Variants in GRAMD2A observed in about 807,000 individuals in gnomAD.
GRAMD2A encodes GRAM domain containing 2A.
Under a neutral mutation model 51.1 loss-of-function variants are expected in GRAMD2A, and 37 were observed. The observed-to-expected ratio is 0.72, with a 90% CI of 0.56 to 0.95. GRAMD2A has a LOEUF of 0.95. GRAMD2A is among the 40% of genes least tolerant of loss of function. The pLI, the probability that GRAMD2A is intolerant of heterozygous loss-of-function variation, is 0.00. For missense variants in GRAMD2A, 414 were observed against 426.9 expected (o/e 0.97, Z 0.27); for synonymous variants, 136 against 157.1 (o/e 0.87, Z 1.01).
intron 1 of GRAMD2A, among the ~76,000 whole-genome samples, chr15:72,178,196 C>T (rs913499203): frequency 6.6e-6 from 1 of 152,220 alleles, no homozygotes; most frequent in African/African-American, 2.4e-5. Context: ...CTTCTTCACC[C>T]TGGCCCTCTT....
chr15:72,173,291 A>G, intron 1 of GRAMD2A, among the ~76,000 whole-genome samples: 1 of 152,204 alleles, frequency 6.6e-6, no homozygotes, highest in East Asian at 1.9e-4. Flanking sequence ...ATGTCTTTGC[A>G]TGGATTCTAA....
intron 10 of GRAMD2A, 110 bp downstream of exon 10, chr15:72,163,156 A>C: frequency 1.4e-6 from 1 of 727,546 alleles, no homozygotes; most frequent in Non-Finnish European, 2.3e-6. Flanking sequence ...AATTTGACTC[A>C]GAAACTTCCC....
intron 2 of GRAMD2A, 66 bp downstream of exon 2, chr15:72,169,781 G>T: frequency 7.6e-7 from 1 of 1,323,314 alleles, no homozygotes; most frequent in Non-Finnish European, 1.1e-6. Context: ...TTACAAACAG[G>T]TCACTTCCTG....
intron 1 of GRAMD2A, among the ~76,000 whole-genome samples, chr15:72,190,886 A>ATGTTTT (rs1449343820): frequency 2.6e-5 from 4 of 152,328 alleles, no homozygotes; most frequent in Admixed American, 6.5e-5. Flanking sequence ...GATCTGAGGA[A>ATGTTTT]ATGCAAAAAG....
intron 8 of GRAMD2A, 117 bp from the exon 9 acceptor site, chr15:72,163,874 G>T: frequency 9.2e-7 from 1 of 1,089,256 alleles, no homozygotes; most frequent in Non-Finnish European, 1.3e-6. Flanking sequence ...TAGATGCCTA[G>T]CCAGGGATGG....
intron 1 of GRAMD2A, among the ~76,000 whole-genome samples, chr15:72,195,146 G>A (rs942529713): frequency 6.6e-6 from 1 of 152,204 alleles, no homozygotes; most frequent in Non-Finnish European, 1.5e-5. Flanking sequence ...TGAAAATACT[G>A]TAGCATGAGT....
intron 1 of GRAMD2A, among the ~76,000 whole-genome samples, chr15:72,192,234 C>T (rs544169885): frequency 6.6e-6 from 1 of 152,286 alleles, no homozygotes; most frequent in Middle Eastern, 3.4e-3. Context: ...ACTTATTATA[C>T]TATTCTCTCT....
At position 72,161,776 on chromosome 15, in the gene GRAMD2A, T is replaced by C; in HGVS notation, c.*233A>G. ...ATTCCTCAGTTGGTTCCAAAAAATC[T>C]GGCTTTTTGCTTGAGTCCAAAAATT... On this transcript the variant is annotated 3_prime_UTR_variant, in exon 12 of 12. Coordinates refer to ENST00000309731, the MANE Select transcript of GRAMD2A (RefSeq NM_001012642.3). 1 of 537,102 alleles carries C rather than the reference T, an allele frequency of 1.9e-6. No individual in the cohort carries two copies. The highest frequency in any genetic ancestry group is 2.2e-5 in the South Asian group (1 of 45,940). The allele number at this position is 537,102 out of a possible 1,614,324, so 33.3% of individuals were successfully genotyped here.
chr15:72,161,764 T>G lies in GRAMD2A; in HGVS notation c.*245A>C. The G allele has an allele frequency of 1.9e-6, 1 of 522,136 alleles. No individual in the cohort carries two copies. 32.3% of individuals were successfully genotyped at this position (522,136 alleles called of 1,614,324 possible). On this transcript the variant is annotated 3_prime_UTR_variant, in exon 12 of 12. Coordinates refer to ENST00000309731, the MANE Select transcript of GRAMD2A (RefSeq NM_001012642.3). ...TTTGTGTACAGAATTCCTCAGTTGG[T>G]TCCAAAAAATCTGGCTTTTTGCTTG...
intron 1 of GRAMD2A, among the ~76,000 whole-genome samples, chr15:72,192,961 C>A (rs2081778589): frequency 6.6e-6 from 1 of 151,942 alleles, no homozygotes; most frequent in Non-Finnish European, 1.5e-5. Flanking sequence ...CCCATCTCTA[C>A]TAAAAATACA....
intron 1 of GRAMD2A, among the ~76,000 whole-genome samples, chr15:72,179,956 C>G (rs2081684534): frequency 6.6e-6 from 1 of 152,234 alleles, no homozygotes; most frequent in Non-Finnish European, 1.5e-5. Context: ...CTCTCTACAC[C>G]TGGGCCACAC....
intron 8 of GRAMD2A, among the ~76,000 whole-genome samples, chr15:72,164,887 C>T (rs1042849816): frequency 7.9e-5 from 12 of 152,140 alleles, no homozygotes; most frequent in African/African-American, 2.9e-4. Context: ...GCCTATAATC[C>T]CAGCACTTTG....
chr15:72,177,894 ATTG>A (rs1210697028), intron 1 of GRAMD2A, among the ~76,000 whole-genome samples: 2 of 152,100 alleles, frequency 1.3e-5, no homozygotes, highest in Non-Finnish European at 2.9e-5. Context: ...CGCCCAGCTA[ATTG>A]TTGTATTTTT....
intron 1 of GRAMD2A, among the ~76,000 whole-genome samples, chr15:72,192,909 G>T (rs1407141713): frequency 6.6e-6 from 1 of 152,136 alleles, no homozygotes; most frequent in Non-Finnish European, 1.5e-5. Context: ...CGGATCACCT[G>T]AGGTCAGGAG....
intron 1 of GRAMD2A, among the ~76,000 whole-genome samples, chr15:72,197,162 C>T (rs893765813): frequency 1.3e-5 from 2 of 152,118 alleles, no homozygotes; most frequent in Non-Finnish European, 2.9e-5. Flanking sequence ...CGGCCCCAGC[C>T]CGCCCGACCG....
At chr15:72,167,174 G>A (rs898189849) in intron 5 of GRAMD2A, 82 bp from the exon 6 acceptor site, 5 of 1,045,646 alleles carry the variant, frequency 4.8e-6, no homozygotes, top group East Asian at 4.7e-5. Context: ...ACCCAGCTGT[G>A]AGCCCAGCAT....
At chr15:72,164,587 T>C (rs1275419366) in intron 8 of GRAMD2A, among the ~76,000 whole-genome samples, 1 of 152,014 alleles carries the variant, frequency 6.6e-6, no homozygotes. Context: ...TGTATTTTTA[T>C]TGAGACAGGG....
intron 8 of GRAMD2A, among the ~76,000 whole-genome samples, chr15:72,164,416 T>TA (rs1164936394): frequency 1.3e-5 from 2 of 151,434 alleles, no homozygotes; most frequent in African/African-American, 2.4e-5. Context: ...CTTTTATTTT[T>TA]TTTTTTTTTG....
chr15:72,168,522 C>T lies in GRAMD2A; in HGVS notation c.237G>A (p.Lys79=), dbSNP rs772797221. ...KYNQQYHKLF[K]DVPLEEVVLK... ...GAACCACTTCCTCCAAGGGAACATCCTTAAACAGCTTGTGGTATTGCTGGT... is the reference window on the plus strand; with the variant it reads ...GAACCACTTCCTCCAAGGGAACATCTTTAAACAGCTTGTGGTATTGCTGGT... The change falls in exon 4 of 12, where the codon AAG becomes AAA. Residue 79 remains lysine, a synonymous_variant. Transcript: ENST00000309731. 1 of 1,613,862 alleles carries T rather than the reference C, an allele frequency of 6.2e-7. No individual in the cohort carries two copies. The highest frequency in any genetic ancestry group is 8.5e-7 in the Non-Finnish European group (1 of 1,179,864).
Sources: allele counts gnomAD v4.1 joint callset (sites outside exome capture counted in the v4.1 genomes callset), GRCh38; gene constraint gnomAD v4.1.1; transcripts MANE v1.5; gene names NCBI Gene and HGNC (gene_info 2026-07-23, HGNC 2026-07-21).